PRH1: variants seen among roughly 807,000 people sequenced by gnomAD.
PRH1 encodes proline rich protein HaeIII subfamily 1.
PRH1 carries 7 observed loss-of-function variants against 7.9 expected under a neutral mutation model. That is an observed-to-expected ratio of 0.89 (90% confidence interval 0.50 to 1.67). PRH1 has a LOEUF of 1.67. Among genes scored for constraint, PRH1 ranks in the 40% most tolerant of loss-of-function variants. The probability of loss-of-function intolerance (pLI) is 0.00; values close to 1 mark genes in which losing one functional copy is unlikely to be tolerated. For missense variants in PRH1, 109 were observed against 223.6 expected (o/e 0.49, Z 3.27); for synonymous variants, 45 against 80.8 (o/e 0.56, Z 2.38).
intron 1 of PRH1, among the ~76,000 whole-genome samples, chr12:10,990,945 G>A (rs1482035871): frequency 6.6e-6 from 1 of 152,182 alleles, no homozygotes; most frequent in Non-Finnish European, 1.5e-5. Context: ...AAAGGCTATA[G>A]AAGAAACAAC....
In PRH1 at chr12:10,964,590, TCCTCCTAAAATTCCAAATC is replaced by T. The variant is rs540667570; in HGVS notation, c.-59+9046_-59+9064del. 3.1e-5 allele frequency: 12 copies of T among 383,738 alleles called. 2 individuals carry two copies. Among genetic ancestry groups the T allele is most frequent in the African/African-American group, 2.5e-4 (12 of 47,972 alleles). 23.8% of individuals were successfully genotyped at this position (383,738 alleles called of 1,614,324 possible). On this transcript the variant is annotated intron_variant, in intron 2 of 3. Coordinates refer to the PRH1 transcript ENST00000539853. The stretch of plus-strand genomic sequence containing the variant: ...ATGAGGACAGGTTCGTTCTACAGCC[TCCTCCTAAAATTCCAAATC>T]GATGTGATTAGGGACAGAAAGTAAA...
intron 1 of PRH1, among the ~76,000 whole-genome samples, chr12:11,135,352 G>A (rs1162072104): frequency 2.6e-5 from 4 of 152,038 alleles, no homozygotes; most frequent in East Asian, 1.9e-4. Flanking sequence ...CATTTACTAT[G>A]AGAATATCAC....
intron 1 of PRH1, among the ~76,000 whole-genome samples, chr12:11,149,940 C>A (rs1447253372): frequency 3.0e-5 from 4 of 132,974 alleles, no homozygotes; most frequent in Non-Finnish European, 5.1e-5. Flanking sequence ...GGCTAATATC[C>A]AGAATCTACA....
At chr12:10,974,068 T>C (rs900143955) in intron 1 of PRH1, among the ~76,000 whole-genome samples, 2 of 152,224 alleles carry the variant, frequency 1.3e-5, no homozygotes, top group Non-Finnish European at 2.9e-5. Context: ...ACAAGAATAA[T>C]GAAACACAAT....
chr12:11,154,779 TTTC>T (rs2136436902), intron 1 of PRH1, among the ~76,000 whole-genome samples: 1 of 152,308 alleles, frequency 6.6e-6, no homozygotes, highest in South Asian at 2.1e-4. Context: ...AAAAATTGCA[TTTC>T]TTCTGGAAAG....
At chr12:11,014,391 A>G (rs1372181758) in intron 1 of PRH1, among the ~76,000 whole-genome samples, 6 of 152,180 alleles carry the variant, frequency 3.9e-5, no homozygotes, top group African/African-American at 1.4e-4. Context: ...AGAGCATGCA[A>G]CATGATGACT....
At chr12:10,953,592 T>C (rs1937795789) in intron 2 of PRH1, among the ~76,000 whole-genome samples, 1 of 152,060 alleles carries the variant, frequency 6.6e-6, no homozygotes, top group Admixed American at 6.6e-5. Flanking sequence ...GCACAAAACC[T>C]CCAAGAAATA....
At chr12:11,105,936 C>CTTTTTTTTTTT (rs765916131) in intron 1 of PRH1, among the ~76,000 whole-genome samples, 1 of 94,964 alleles carries the variant, frequency 1.1e-5, no homozygotes, top group African/African-American at 3.7e-5. Context: ...ATAACTTATT[C>CTTTTTTTTTTT]TTTTTTTTTT....
intron 1 of PRH1, among the ~76,000 whole-genome samples, chr12:11,094,299 C>CAAAAAAAAAA (rs34742610): frequency 3.7e-5 from 1 of 27,024 alleles, no homozygotes. Context: ...AAGACTCTGT[C>CAAAAAAAAAA]AAAAAAAAAA....
intron 1 of PRH1, among the ~76,000 whole-genome samples, chr12:11,014,060 T>C (rs1045628425): frequency 6.6e-6 from 1 of 152,160 alleles, no homozygotes; most frequent in Non-Finnish European, 1.5e-5. Context: ...ACATTTGACA[T>C]TTGAAGGAAA....
intron 1 of PRH1, among the ~76,000 whole-genome samples, chr12:11,107,150 A>G (rs1007284618): frequency 6.6e-6 from 1 of 152,124 alleles, no homozygotes; most frequent in African/African-American, 2.4e-5. Context: ...ACAGGCATGC[A>G]TCACAACACC....
At chr12:11,007,028 C>T (rs893644102) in intron 1 of PRH1, among the ~76,000 whole-genome samples, 1 of 152,100 alleles carries the variant, frequency 6.6e-6, no homozygotes, top group African/African-American at 2.4e-5. Context: ...TTGTATTCAG[C>T]ATTTTCAGTT....
intron 1 of PRH1, among the ~76,000 whole-genome samples, chr12:11,150,062 T>A (rs71453438): frequency 0.4 from 49,835 of 124,034 alleles, 11,477 homozygotes; most frequent in Non-Finnish European, 0.48. Context: ...AAAAAACACA[T>A]GAAAAAATGC....
chr12:10,956,935 G>A (rs1591725927), intron 2 of PRH1, among the ~76,000 whole-genome samples: 1 of 152,114 alleles, frequency 6.6e-6, no homozygotes, highest in South Asian at 2.1e-4. Flanking sequence ...ACGGGAAAAC[G>A]TTCCAGGTGC....
At chr12:10,994,264 G>T (rs4763604) in intron 1 of PRH1, among the ~76,000 whole-genome samples, 2,503 of 152,312 alleles carry the variant, frequency 0.016, 32 homozygotes, top group Middle Eastern at 0.054. Context: ...CCTCCATCAA[G>T]GGATTGGATG....
At chr12:10,963,080 C>T (rs1417654033) in intron 2 of PRH1, among the ~76,000 whole-genome samples, 2 of 152,136 alleles carry the variant, frequency 1.3e-5, no homozygotes, top group Non-Finnish European at 2.9e-5. Flanking sequence ...AGGGTCTCTG[C>T]TTTTATGGTG....
chr12:10,916,334 A>C (rs775906095), intron 2 of PRH1, among the ~76,000 whole-genome samples: 13 of 152,300 alleles, frequency 8.5e-5, no homozygotes, highest in Non-Finnish European at 4.4e-5. Context: ...GAAAAACCAT[A>C]TCAAACCCTG....
At chr12:10,962,972 G>C (rs1306732489) in intron 2 of PRH1, among the ~76,000 whole-genome samples, 1 of 152,168 alleles carries the variant, frequency 6.6e-6, no homozygotes, top group African/African-American at 2.4e-5. Context: ...GGGTTTCACA[G>C]CGTTAGCCAG....
chr12:10,906,933 TAAAC>T (rs1009378378), intron 2 of PRH1, among the ~76,000 whole-genome samples: 27 of 152,274 alleles, frequency 1.8e-4, no homozygotes, highest in African/African-American at 5.3e-4. Flanking sequence ...GCAAAAGGTT[TAAAC>T]AAACATTTCA....
Sources: allele counts gnomAD v4.1 joint callset (sites outside exome capture counted in the v4.1 genomes callset), GRCh38; gene constraint gnomAD v4.1.1; transcripts MANE v1.5; gene names NCBI Gene and HGNC (gene_info 2026-07-23, HGNC 2026-07-21).